The following PUDP variants were observed in gnomAD, a reference collection of about 807,000 sequenced individuals.
The protein encoded by PUDP is pseudouridine-5'-phosphatase.
In PUDP, 8 loss-of-function variants were observed where a neutral mutation model predicts 9.4. The observed-to-expected ratio is 0.85, with a 90% CI of 0.50 to 1.53. The LOEUF is 1.53. Among genes scored for constraint, PUDP ranks in the 40% most tolerant of loss-of-function variants. The pLI is 0.00. For synonymous variants in PUDP, 99 were observed against 80.7 expected (o/e 1.23, Z -1.22); for missense variants, 188 against 189.7 (o/e 0.99, Z 0.05).
At chrX:6,782,142 G>A (rs964312095) in intron 3 of PUDP, among the ~76,000 whole-genome samples, 1 of 111,718 alleles carries the variant, frequency 9.0e-6, no homozygotes, top group South Asian at 3.7e-4. Context: ...CTGGAAACAC[G>A]GATAGTATTG....
chrX:6,925,699 G>T (rs1185536157), intron 3 of PUDP, among the ~76,000 whole-genome samples: 1 of 111,961 alleles, frequency 8.9e-6, no homozygotes, highest in Non-Finnish European at 1.9e-5. Context: ...TACATGGGAG[G>T]AGGTGTACAT....
chrX:6,817,126 G>A (rs1397069803), intron 3 of PUDP, among the ~76,000 whole-genome samples: 1 of 107,616 alleles, frequency 9.3e-6, no homozygotes, highest in African/African-American at 3.4e-5. Flanking sequence ...TCCCAGGCCG[G>A]AGTGCAGTGT....
chrX:6,780,539 G>T (rs1282534376), intron 3 of PUDP, among the ~76,000 whole-genome samples: 1 of 111,599 alleles, frequency 9.0e-6, no homozygotes, highest in African/African-American at 3.3e-5. Flanking sequence ...TTCATGGTTT[G>T]CATGGAAAAG....
intron 3 of PUDP, among the ~76,000 whole-genome samples, chrX:6,953,992 ACCCACTTCCCTTTCCCACTT>A (rs772381693): frequency 1.5e-3 from 170 of 109,950 alleles, no homozygotes; most frequent in African/African-American, 5.4e-3. Context: ...ATGGTTTTAT[ACCCACTTCCCTTTCCCACTT>A]CCCACTTCCC....
At chrX:6,769,811 A>C (rs1307689583) in intron 3 of PUDP, among the ~76,000 whole-genome samples, 1 of 112,227 alleles carries the variant, frequency 8.9e-6, no homozygotes, top group African/African-American at 3.2e-5. Flanking sequence ...ATCGTACTTA[A>C]ATAAATAGCA....
intron 2 of PUDP, among the ~76,000 whole-genome samples, chrX:7,094,442 C>T (rs370093701): frequency 1.8e-5 from 2 of 108,408 alleles, no homozygotes; most frequent in African/African-American, 3.4e-5. Context: ...CTGCAAGCTC[C>T]GCCCCGCGGG....
intron 1 of PUDP, among the ~76,000 whole-genome samples, chrX:7,039,092 G>A (rs1316752541): frequency 4.5e-5 from 5 of 110,353 alleles, no homozygotes; most frequent in East Asian, 2.8e-4. Flanking sequence ...ACCATGCCCC[G>A]CTAATTTTTA....
rs747162229 is a variant in PUDP at position 6,916,191 on chromosome X, T to TACACACAC, written c.*247+60934_*247+60941dup. ...GTCACCCACCAACTCATGCTTTTTC[T>TACACACAC]ACACACACACACACACACACACACA... On this transcript the variant is annotated intron_variant and NMD_transcript_variant, in intron 3 of 3. Coordinates refer to the PUDP transcript ENST00000655425. Among the ~76,000 whole-genome samples the TACACACAC allele has an allele frequency of 3.1e-3, 217 of 69,822 alleles. 1 individual carries two copies. Among genetic ancestry groups the TACACACAC allele is most frequent in the East Asian group, 0.011 (22 of 2,066 alleles). 60.6% of individuals were successfully genotyped at this position (69,822 alleles called of 115,157 possible). A position where few individuals can be genotyped will look rare whatever the true frequency, so the allele number is the denominator to read the frequency against.
chrX:6,979,886 A>C (rs1190627474), intron 1 of PUDP, among the ~76,000 whole-genome samples: 1 of 111,225 alleles, frequency 9.0e-6, no homozygotes, highest in African/African-American at 3.3e-5. Flanking sequence ...ATCAGTATGA[A>C]ATTTTTTTTC....
At chrX:7,107,598 A>G (rs1931923138) in intron 1 of PUDP, among the ~76,000 whole-genome samples, 1 of 112,647 alleles carries the variant, frequency 8.9e-6, no homozygotes, top group South Asian at 3.6e-4. Context: ...AGGTCAAGGC[A>G]GGAGGACTGC....
chrX:7,025,736 T>C (rs1227059200), intron 1 of PUDP, among the ~76,000 whole-genome samples: 2 of 112,217 alleles, frequency 1.8e-5, no homozygotes, highest in African/African-American at 3.2e-5. Flanking sequence ...AAAAAGGTAA[T>C]TTGTGCTGAT....
At chrX:6,958,320 C>T (rs1308456969) in intron 3 of PUDP, among the ~76,000 whole-genome samples, 8 of 111,883 alleles carry the variant, frequency 7.2e-5, no homozygotes, top group Admixed American at 5.7e-4. Context: ...CAGGCTATGA[C>T]CTAATGCTTG....
intron 3 of PUDP, among the ~76,000 whole-genome samples, chrX:6,780,730 TAC>T (rs1281795801): frequency 3.7e-4 from 41 of 109,521 alleles, no homozygotes; most frequent in African/African-American, 1.3e-3. Context: ...GATAAACATG[TAC>T]ACACACACAC....
intron 3 of PUDP, among the ~76,000 whole-genome samples, chrX:6,970,487 T>C (rs962340251): frequency 7.2e-5 from 8 of 111,472 alleles, no homozygotes; most frequent in African/African-American, 2.3e-4. Context: ...GGAGGATCTA[T>C]CTGGGGTAGG....
intron 1 of PUDP, among the ~76,000 whole-genome samples, chrX:7,010,070 C>T (rs1381153925): frequency 8.9e-6 from 1 of 111,945 alleles, no homozygotes; most frequent in Admixed American, 9.5e-5. Context: ...AGTCAATACA[C>T]TGTCACAGCC....
chrX:6,800,518 T>A (rs1925915316), intron 3 of PUDP, among the ~76,000 whole-genome samples: 2 of 112,124 alleles, frequency 1.8e-5, no homozygotes, highest in Non-Finnish European at 3.8e-5. Flanking sequence ...TGCAAACTCT[T>A]TTAAAATCCA....
intron 1 of PUDP, among the ~76,000 whole-genome samples, chrX:7,119,413 C>T (rs1419340890): frequency 8.9e-6 from 1 of 112,462 alleles, no homozygotes; most frequent in Non-Finnish European, 1.9e-5. Context: ...CTAGTGCTTT[C>T]TCGTGTTTAG....
At chrX:6,828,270 C>T (rs1030686769) in intron 3 of PUDP, among the ~76,000 whole-genome samples, 9 of 111,605 alleles carry the variant, frequency 8.1e-5, no homozygotes, top group Non-Finnish European at 1.3e-4. Context: ...ACATTGCATA[C>T]TTGTTTGTCT....
At chrX:6,989,025 T>C (rs181364863) in intron 1 of PUDP, among the ~76,000 whole-genome samples, 1 of 111,931 alleles carries the variant, frequency 8.9e-6, no homozygotes, top group African/African-American at 3.2e-5. Flanking sequence ...GTTAACACTT[T>C]CAAAATATCA....
Sources: gnomAD v4.1 joint callset for allele counts (sites outside exome capture counted in the v4.1 genomes callset) on GRCh38, gnomAD v4.1.1 for gene constraint, MANE v1.5 for transcripts, NCBI Gene and HGNC (gene_info 2026-07-23, HGNC 2026-07-21) for gene names.